RYR2: variants seen among roughly 807,000 people sequenced by gnomAD.
RYR2 encodes the protein cardiac muscle ryanodine receptor-calcium release channel.
A neutral mutation model predicts 601.1 loss-of-function variants in RYR2; 227 were observed. The observed-to-expected ratio is 0.38, with a 90% CI of 0.34 to 0.42. The LOEUF (loss-of-function observed/expected upper bound fraction) is 0.42, where lower values mean the gene tolerates loss of function less well. Ranked by LOEUF, RYR2 falls within the 10% of genes least tolerant of loss-of-function variation. RYR2 has a pLI of 1.00. For synonymous variants in RYR2, 2,223 were observed against 2,175.1 expected, an observed-to-expected ratio of 1.02 and a Z score of -0.61; for missense variants, 4,646 against 6,156.5, an observed-to-expected ratio of 0.75 and a Z score of 8.21.
At chr1:237,506,670 T>G in intron 22 of RYR2, 40 bp from the exon 23 acceptor site, 1 of 1,473,628 alleles carries the variant, frequency 6.8e-7, no homozygotes, top group Non-Finnish European at 9.4e-7. Flanking sequence ...TCTTATTGCA[T>G]TTGTTTCTGA....
chr1:237,122,681 A>AAAACAAAC (rs147076319), intron 1 of RYR2, among the ~76,000 whole-genome samples: 192 of 150,718 alleles, frequency 1.3e-3, no homozygotes, highest in East Asian at 8.5e-3. Flanking sequence ...GACCGTCTCA[A>AAAACAAAC]AAACAAACAA....
At position 237,417,041 on chromosome 1, in the gene RYR2, T is replaced by C; in HGVS notation, c.774-8T>C. ...CACATTTGGGCTTTTGTTTGTTTGT[T>C]GAAACAGAACTGTTCATTATGAAGG... On this transcript the variant is annotated splice_region_variant and splice_polypyrimidine_tract_variant and intron_variant, in intron 10 of 104. Transcript: ENST00000366574. The C allele has an allele frequency of 6.2e-7, 1 of 1,613,470 alleles. No individual in the cohort carries two copies. Among genetic ancestry groups the C allele is most frequent in the Non-Finnish European group, 8.5e-7 (1 of 1,179,440 alleles).
At chr1:237,356,328 C>T (rs1001245812) in intron 4 of RYR2, among the ~76,000 whole-genome samples, 1 of 151,582 alleles carries the variant, frequency 6.6e-6, no homozygotes, top group South Asian at 2.1e-4. Flanking sequence ...AAAACAAAAA[C>T]CTTGACTGTT....
chr1:237,348,845 G>A (rs984792150), intron 3 of RYR2, among the ~76,000 whole-genome samples: 2 of 152,040 alleles, frequency 1.3e-5, no homozygotes, highest in African/African-American at 2.4e-5. Flanking sequence ...ATGGAAATTC[G>A]AACACTGAAA....
chr1:237,180,741 TATA>T lies in RYR2; in HGVS notation c.49-89755_49-89753del, dbSNP rs1678646783. Among the ~76,000 whole-genome samples the T allele has an allele frequency of 6.8e-6, 1 of 148,006 alleles. No homozygotes were observed. Among genetic ancestry groups the T allele is most frequent in the Non-Finnish European group, 1.5e-5 (1 of 67,248 alleles). On this transcript the variant is annotated intron_variant, in intron 1 of 104. Transcript: ENST00000366574. The surrounding 1 kb of genome is among the most constrained non-coding windows in gnomAD (Gnocchi z 5.3). ...ATACATATACATAGATATATGCTAT[TATA>T]TAATAAATATTAATATGTTAATAGT...
intron 20 of RYR2, among the ~76,000 whole-genome samples, chr1:237,500,406 G>A (rs955794733): frequency 6.6e-6 from 1 of 152,158 alleles, no homozygotes; most frequent in Admixed American, 6.5e-5. Context: ...ATGTTCCTTT[G>A]ACATCATTAT....
intron 10 of RYR2, among the ~76,000 whole-genome samples, chr1:237,411,913 A>G (rs1704498247): frequency 6.6e-6 from 1 of 152,164 alleles, no homozygotes; most frequent in Non-Finnish European, 1.5e-5. Flanking sequence ...GGTGTCGCTT[A>G]CAATGTGCAA....
chr1:237,573,140 A>G (rs574490199), intron 29 of RYR2, among the ~76,000 whole-genome samples: 155 of 152,190 alleles, frequency 1.0e-3, no homozygotes, highest in African/African-American at 3.6e-3. Context: ...TCTTATTGCT[A>G]CAGAGAAAGC....
intron 34 of RYR2, 75 bp from the exon 35 acceptor site, chr1:237,601,949 TG>T (rs1429711667): frequency 8.2e-7 from 1 of 1,220,060 alleles, no homozygotes; most frequent in Non-Finnish European, 1.2e-6. Context: ...AGTATTCCTT[TG>T]TTGTTATAAA....
intron 92 of RYR2, among the ~76,000 whole-genome samples, chr1:237,790,133 T>A (rs928442620): frequency 2.6e-5 from 4 of 152,196 alleles, no homozygotes; most frequent in African/African-American, 9.7e-5. Flanking sequence ...TTAAAACAAA[T>A]GCTTAATGTC....
chr1:237,179,825 C>T (rs569918292), intron 1 of RYR2, among the ~76,000 whole-genome samples: 8 of 152,026 alleles, frequency 5.3e-5, no homozygotes, highest in East Asian at 1.9e-4. Context: ...GGGAATCTGC[C>T]GGGCTGAGTC....
At chr1:237,181,075 C>A (rs1678701918) in intron 1 of RYR2, among the ~76,000 whole-genome samples, 1 of 151,992 alleles carries the variant, frequency 6.6e-6, no homozygotes, top group Non-Finnish European at 1.5e-5. Context: ...CCTCCACCTC[C>A]CGGGTTCAAG....
intron 1 of RYR2, among the ~76,000 whole-genome samples, chr1:237,070,283 C>T (rs191207087): frequency 6.6e-6 from 1 of 152,262 alleles, no homozygotes; most frequent in African/African-American, 2.4e-5. Flanking sequence ...CCTCCTGCCT[C>T]AGCCTCCTGA....
chr1:237,143,168 C>G (rs78332033), intron 1 of RYR2, among the ~76,000 whole-genome samples: 1 of 152,278 alleles, frequency 6.6e-6, no homozygotes, highest in African/African-American at 2.4e-5. Context: ...TTTGATGATG[C>G]AGAAATGTAA....
In RYR2 at chr1:237,770,809, GA is replaced by G. The variant is rs1261579595; in HGVS notation, c.11483del (p.Lys3828ArgfsTer31). ...LGMVTEEGSG[E>X]KVLQDDEFTC... The stretch of plus-strand genomic sequence containing the variant: ...TGATCCCTCTGGATTTCCCACAGGA[GA>G]AAAGGTTCTGCAGGACGATGAGTTC... On this transcript the variant is annotated frameshift_variant, in exon 85 of 105. Coordinates refer to ENST00000366574, the MANE Select transcript of RYR2 (RefSeq NM_001035.3). LOFTEE classifies it high-confidence loss of function. 6.4e-7 allele frequency: 1 copy of G among 1,551,098 alleles called. No homozygotes were observed. The highest frequency in any genetic ancestry group is 8.7e-7 in the Non-Finnish European group (1 of 1,145,638).
intron 79 of RYR2, among the ~76,000 whole-genome samples, chr1:237,741,429 GC>G (rs1307375056): frequency 6.6e-6 from 1 of 152,042 alleles, no homozygotes; most frequent in African/African-American, 2.4e-5. Flanking sequence ...TGCTTACCAA[GC>G]AGCAGAAATA....
chr1:237,607,279 A>G (rs1677236496), intron 35 of RYR2, among the ~76,000 whole-genome samples: 1 of 152,192 alleles, frequency 6.6e-6, no homozygotes, highest in African/African-American at 2.4e-5. Flanking sequence ...TTGTAGGGAC[A>G]TGGATGAAGC....
chr1:237,182,603 A>G (rs1486543816), intron 1 of RYR2, among the ~76,000 whole-genome samples: 1 of 152,218 alleles, frequency 6.6e-6, no homozygotes, highest in Non-Finnish European at 1.5e-5. Flanking sequence ...ATGGTATCAC[A>G]TACTATATAT....
chr1:237,425,288 G>C (rs1706035813), intron 12 of RYR2, among the ~76,000 whole-genome samples: 1 of 151,822 alleles, frequency 6.6e-6, no homozygotes, highest in African/African-American at 2.4e-5. Context: ...ACACAACCTT[G>C]CAACATGGGG....
Sources: gnomAD v4.1 joint callset for allele counts (sites outside exome capture counted in the v4.1 genomes callset) on GRCh38, gnomAD v4.1.1 for gene constraint, Gnocchi (gnomAD v3.1) non-coding constraint, MANE v1.5 for transcripts, NCBI Gene and HGNC (gene_info 2026-07-23, HGNC 2026-07-21) for gene names.